The following MTA3 variants were observed in gnomAD, a reference collection of about 807,000 sequenced individuals.
MTA3 encodes metastasis associated 1 family member 3, also known as metastasis-associated protein MTA3.
In MTA3, 34 loss-of-function variants were observed where a neutral mutation model predicts 83.5. That is an observed-to-expected ratio of 0.41 (90% confidence interval 0.31 to 0.54). The LOEUF (loss-of-function observed/expected upper bound fraction) is 0.54. MTA3 is among the 20% of genes least tolerant of loss of function. MTA3 has a pLI of 0.33. For synonymous variants in MTA3, 303 were observed against 252.7 expected, an observed-to-expected ratio of 1.20 and a Z score of -1.89; for missense variants, 761 against 726.4, an observed-to-expected ratio of 1.05 and a Z score of -0.55.
At position 42,601,047 on chromosome 2, in the gene MTA3, T is replaced by C. The variant is rs181083141; in HGVS notation, c.191-8411T>C. ...TCAGCCTCCCGAGTAGCTGGGACTATAGGCATGCGCCTCCACGTCCGGCTA... is the reference window on the plus strand; with the variant it reads ...TCAGCCTCCCGAGTAGCTGGGACTACAGGCATGCGCCTCCACGTCCGGCTA... On this transcript the variant is annotated intron_variant, in intron 3 of 16. Coordinates refer to ENST00000405094, the MANE Select transcript of MTA3 (RefSeq NM_001330442.2). Among the ~76,000 whole-genome samples, 36 of 152,128 alleles carry C rather than the reference T, an allele frequency of 2.4e-4. 1 individual carries two copies. The East Asian group carries it at 6.2e-3, about 26-fold the overall frequency.
At chr2:42,659,959 G>T (rs1689518907) in intron 8 of MTA3, 97 bp downstream of exon 8, 1 of 810,072 alleles carries the variant, frequency 1.2e-6, no homozygotes, top group Non-Finnish European at 1.8e-6. Context: ...GAGCTTTTGG[G>T]CTCTTAGCCT....
chr2:42,711,058 AAC>A (rs1432667135), intron 14 of MTA3, among the ~76,000 whole-genome samples: 1 of 152,132 alleles, frequency 6.6e-6, no homozygotes, highest in Non-Finnish European at 1.5e-5. Flanking sequence ...CAGCCTGGGC[AAC>A]ACAGACTCCG....
At chr2:42,732,795 A>T (rs1323014494) in intron 16 of MTA3, among the ~76,000 whole-genome samples, 1 of 152,220 alleles carries the variant, frequency 6.6e-6, no homozygotes, top group Non-Finnish European at 1.5e-5. Context: ...ATGCTAAATC[A>T]TCTTTCTCAA....
At chr2:42,548,877 AT>A (rs1676930364) in intron 2 of MTA3, among the ~76,000 whole-genome samples, 1 of 10,636 alleles carries the variant, frequency 9.4e-5, no homozygotes, top group Non-Finnish European at 1.5e-4. Flanking sequence ...TATATATATA[AT>A]ATATATATAT....
intron 2 of MTA3, among the ~76,000 whole-genome samples, chr2:42,560,723 A>G (rs887499349): frequency 6.6e-6 from 1 of 151,728 alleles, no homozygotes; most frequent in Non-Finnish European, 1.5e-5. Context: ...TGGCCAACAT[A>G]GTAAAACTCC....
At chr2:42,573,973 T>C (rs1678765287) in intron 2 of MTA3, among the ~76,000 whole-genome samples, 1 of 150,528 alleles carries the variant, frequency 6.6e-6, no homozygotes, top group South Asian at 2.1e-4. Flanking sequence ...AGCCTGCCAC[T>C]ACGCCTGGCT....
At chr2:42,676,297 C>G (rs1165694088) in intron 8 of MTA3, among the ~76,000 whole-genome samples, 1 of 152,040 alleles carries the variant, frequency 6.6e-6, no homozygotes, top group Non-Finnish European at 1.5e-5. Flanking sequence ...TCTTTGAAGC[C>G]CTTTAGGTAA....
At chr2:42,519,109 T>A (rs945741169) in intron 2 of MTA3, among the ~76,000 whole-genome samples, 9 of 151,360 alleles carry the variant, frequency 5.9e-5, no homozygotes, top group Non-Finnish European at 8.8e-5. Context: ...TTGATCAAGG[T>A]CACCATCACC....
intron 4 of MTA3, among the ~76,000 whole-genome samples, chr2:42,622,406 TAGGGGGAGGTAG>T (rs1401842274): frequency 3.4e-5 from 2 of 58,664 alleles, no homozygotes; most frequent in Non-Finnish European, 6.4e-5. Flanking sequence ...GGGAGAGGGG[TAGGGGGAGGTAG>T]AGGGGGAGGG....
intron 10 of MTA3, 30 bp from the exon 11 acceptor site, chr2:42,697,746 G>A: frequency 2.1e-6 from 3 of 1,462,054 alleles, no homozygotes; most frequent in Non-Finnish European, 2.8e-6. Context: ...GGCATTGCAT[G>A]TAAAATGTTT....
intron 16 of MTA3, among the ~76,000 whole-genome samples, chr2:42,745,002 T>C (rs1488142687): frequency 1.3e-5 from 2 of 152,190 alleles, no homozygotes; most frequent in Non-Finnish European, 2.9e-5. Flanking sequence ...ATTTGAAGCT[T>C]CTCAGCCCTG....
intron 2 of MTA3, among the ~76,000 whole-genome samples, chr2:42,552,896 G>A (rs1477397108): frequency 6.6e-6 from 1 of 151,392 alleles, no homozygotes; most frequent in East Asian, 1.9e-4. Context: ...GCTGCATTGA[G>A]CCGAGATCGC....
intron 2 of MTA3, among the ~76,000 whole-genome samples, chr2:42,519,418 C>G (rs919622408): frequency 4.6e-5 from 7 of 151,770 alleles, no homozygotes; most frequent in African/African-American, 1.7e-4. Flanking sequence ...CCAGCCTGGC[C>G]AACATGGTGA....
intron 14 of MTA3, among the ~76,000 whole-genome samples, chr2:42,709,752 A>G (rs1666441362): frequency 6.6e-6 from 1 of 152,232 alleles, no homozygotes; most frequent in Admixed American, 6.5e-5. Flanking sequence ...ATCTAAACAT[A>G]TGGTTGAGCA....
At chr2:42,706,880 T>G (rs974311417) in intron 12 of MTA3, among the ~76,000 whole-genome samples, 1 of 152,226 alleles carries the variant, frequency 6.6e-6, no homozygotes, top group African/African-American at 2.4e-5. Context: ...ATGGAGATTT[T>G]AAAATAAGGA....
intron 4 of MTA3, among the ~76,000 whole-genome samples, chr2:42,631,422 A>G (rs1028687321): frequency 2.0e-5 from 3 of 152,182 alleles, no homozygotes; most frequent in African/African-American, 7.2e-5. Context: ...GTTTTCTTCA[A>G]CCAGAATCAC....
intron 2 of MTA3, among the ~76,000 whole-genome samples, chr2:42,557,490 CA>C (rs1677453856): frequency 6.6e-6 from 1 of 152,110 alleles, no homozygotes; most frequent in Non-Finnish European, 1.5e-5. Flanking sequence ...TCGAAAAGGT[CA>C]AACTGCCTCC....
chr2:42,704,302 C>A lies in MTA3; in HGVS notation c.1134C>A (p.Ala378=). ...CTCAGAATCCTCTCTTAGGGAGAGC[C>A]TGTGAGAGCTGCTATGGTAAGTTTT... ...FQPQNPLLGR[A]CESCYATQSH... The change falls in exon 12 of 17, where the codon GCC becomes GCA. Residue 378 remains alanine (A), a synonymous_variant. Transcript: ENST00000405094. 6.2e-7 allele frequency: 1 copy of A among 1,613,898 alleles called. No homozygotes were observed. The highest frequency in any genetic ancestry group is 1.1e-5 in the South Asian group (1 of 91,084).
chr2:42,691,700 AG>A (rs1450381387), intron 9 of MTA3, among the ~76,000 whole-genome samples: 1 of 152,172 alleles, frequency 6.6e-6, no homozygotes, highest in Admixed American at 6.5e-5. Context: ...CTTATTGGAC[AG>A]GTCTAGTGTT....
Sources: gnomAD v4.1 joint callset for allele counts (sites outside exome capture counted in the v4.1 genomes callset) on GRCh38, gnomAD v4.1.1 for gene constraint, MANE v1.5 for transcripts, NCBI Gene and HGNC (gene_info 2026-07-23, HGNC 2026-07-21) for gene names.